The following SCYL2 variants were observed in gnomAD, a reference collection of about 807,000 sequenced individuals.
SCYL2 encodes SCY1 like pseudokinase 2.
Under a neutral mutation model 100.4 loss-of-function variants are expected in SCYL2, and 36 were observed. The ratio of observed to expected loss-of-function variants is 0.36; its 90% CI spans 0.27 to 0.47. SCYL2 has a LOEUF of 0.47. Ranked by LOEUF, SCYL2 falls within the 20% of genes least tolerant of loss-of-function variation. SCYL2 has a pLI of 1.00. For synonymous variants in SCYL2, 330 were observed against 359.2 expected, an observed-to-expected ratio of 0.92 and a Z score of 0.92; for missense variants, 902 against 1,083.9, an observed-to-expected ratio of 0.83 and a Z score of 2.36.
intron 2 of SCYL2, among the ~76,000 whole-genome samples, chr12:100,286,905 G>C (rs1334830457): frequency 6.6e-6 from 1 of 151,644 alleles, no homozygotes; most frequent in Non-Finnish European, 1.5e-5. Context: ...AATTTTAAGG[G>C]GTATATGTTT....
chr12:100,311,906 G>T (rs2096342652), intron 5 of SCYL2, among the ~76,000 whole-genome samples: 1 of 152,138 alleles, frequency 6.6e-6, no homozygotes, highest in Admixed American at 6.5e-5. Flanking sequence ...AGTCGTTAGA[G>T]GGCCTGTGAT....
chr12:100,272,338 T>C (rs933544705), intron 1 of SCYL2, among the ~76,000 whole-genome samples: 2 of 152,156 alleles, frequency 1.3e-5, no homozygotes, highest in African/African-American at 4.8e-5. Context: ...GACTCTTAGG[T>C]TTCTTATATG....
intron 5 of SCYL2, among the ~76,000 whole-genome samples, chr12:100,311,398 G>A (rs946893047): frequency 6.6e-6 from 1 of 151,804 alleles, no homozygotes; most frequent in African/African-American, 2.4e-5. Flanking sequence ...GGATGCCAGA[G>A]TTAAATAAAT....
At chr12:100,289,059 C>G (rs2096307629) in intron 2 of SCYL2, among the ~76,000 whole-genome samples, 1 of 151,978 alleles carries the variant, frequency 6.6e-6, no homozygotes, top group Admixed American at 6.6e-5. Context: ...AGAAGACTTA[C>G]TAAAATAAGA....
chr12:100,282,678 C>T (rs1442453684), intron 1 of SCYL2, among the ~76,000 whole-genome samples: 1 of 152,140 alleles, frequency 6.6e-6, no homozygotes, highest in Non-Finnish European at 1.5e-5. Context: ...TATTCATTCT[C>T]TTTCTTAATG....
chr12:100,288,749 A>T (rs183958894), intron 2 of SCYL2, among the ~76,000 whole-genome samples: 5 of 151,998 alleles, frequency 3.3e-5, no homozygotes, highest in Admixed American at 2.0e-4. Context: ...AGGTGAGAGG[A>T]TCACTTGAGA....
At chr12:100,294,432 G>GT (rs1220763052) in intron 3 of SCYL2, among the ~76,000 whole-genome samples, 1 of 94,210 alleles carries the variant, frequency 1.1e-5, no homozygotes, top group Non-Finnish European at 2.2e-5. Flanking sequence ...GGGCGGGGGG[G>GT]CTCCTCACTT....
intron 1 of SCYL2, among the ~76,000 whole-genome samples, chr12:100,271,224 C>G (rs2135786427): frequency 7.2e-6 from 1 of 138,892 alleles, no homozygotes; most frequent in South Asian, 2.2e-4. Flanking sequence ...AAGGCCAACT[C>G]TGGCCTTAAA....
intron 8 of SCYL2, among the ~76,000 whole-genome samples, chr12:100,314,945 A>G (rs2096346705): frequency 6.6e-6 from 1 of 152,168 alleles, no homozygotes; most frequent in Non-Finnish European, 1.5e-5. Context: ...AGCCTTTCCA[A>G]TTCCTTTACT....
chr12:100,322,977 A>C (rs928870346), intron 10 of SCYL2, among the ~76,000 whole-genome samples: 1 of 150,306 alleles, frequency 6.7e-6, no homozygotes, highest in African/African-American at 2.4e-5. Context: ...GCAGTGAGCT[A>C]TGATTGCGTC....
chr12:100,280,034 C>T (rs2096296418), intron 1 of SCYL2, among the ~76,000 whole-genome samples: 1 of 152,196 alleles, frequency 6.6e-6, no homozygotes, highest in South Asian at 2.1e-4. Context: ...TGGAATTCTG[C>T]TCTATGCTCT....
At chr12:100,310,984 C>T in intron 4 of SCYL2, 60 bp from the exon 5 acceptor site, 1 of 1,367,274 alleles carries the variant, frequency 7.3e-7, no homozygotes, top group Non-Finnish European at 9.6e-7. Flanking sequence ...TTTTGTGAGA[C>T]ATTTTATTAT....
At chr12:100,328,583 C>T (rs971754081) in intron 12 of SCYL2, among the ~76,000 whole-genome samples, 7 of 152,106 alleles carry the variant, frequency 4.6e-5, no homozygotes, top group Non-Finnish European at 8.8e-5. Flanking sequence ...ATATACAAAA[C>T]ACTTAGAACT....
At chr12:100,278,652 A>G (rs561835401) in intron 1 of SCYL2, among the ~76,000 whole-genome samples, 5 of 123,948 alleles carry the variant, frequency 4.0e-5, no homozygotes, top group African/African-American at 1.6e-4. Flanking sequence ...TTTTTTTGAG[A>G]TGGAGTCTTG....
chr12:100,330,528 G>A (rs1051673465), intron 13 of SCYL2, among the ~76,000 whole-genome samples: 1 of 152,122 alleles, frequency 6.6e-6, no homozygotes, highest in South Asian at 2.1e-4. Context: ...ATATAGAGAC[G>A]AGTCATTTTT....
intron 4 of SCYL2, among the ~76,000 whole-genome samples, chr12:100,307,390 G>A (rs2096335930): frequency 6.6e-6 from 1 of 152,114 alleles, no homozygotes; most frequent in Non-Finnish European, 1.5e-5. Context: ...ACAAGCAATG[G>A]GGAAAGGATT....
chr12:100,281,147 G>T (rs2096297968), intron 1 of SCYL2, among the ~76,000 whole-genome samples: 2 of 144,902 alleles, frequency 1.4e-5, no homozygotes, highest in Admixed American at 1.4e-4. Context: ...TTCCACCTCA[G>T]CCTCCCAAGT....
chr12:100,271,422 T>C (rs1375382771), intron 1 of SCYL2, among the ~76,000 whole-genome samples: 2 of 152,220 alleles, frequency 1.3e-5, no homozygotes, highest in Non-Finnish European at 2.9e-5. Flanking sequence ...AATGTAATTC[T>C]TGAATGTAAT....
In SCYL2 at chr12:100,338,678, A is replaced by G. The variant is rs1390366150; in HGVS notation, c.2296A>G (p.Lys766Glu). ...MMFSTPTDNT[K>E]RNLTNGLNAN... Reference sequence around the variant, plus strand: ...GTTTTCTACACCAACTGATAATACAAAGAGAAATTTGACAAATGGCCTAAA... The same window carrying G: ...GTTTTCTACACCAACTGATAATACAGAGAGAAATTTGACAAATGGCCTAAA... Residue 766 changes from lysine to glutamate, a missense_variant, in exon 18 of 18, where the codon AAG (lysine) becomes GAG (glutamate). Coordinates refer to ENST00000360820, the MANE Select transcript of SCYL2 (RefSeq NM_017988.6). 9.9e-6 allele frequency: 16 copies of G among 1,613,948 alleles called. No individual in the cohort carries two copies. Among genetic ancestry groups the G allele is most frequent in the Non-Finnish European group, 1.4e-5 (16 of 1,179,984 alleles).
Sources: gnomAD v4.1 joint callset for allele counts (sites outside exome capture counted in the v4.1 genomes callset) on GRCh38, gnomAD v4.1.1 for gene constraint, MANE v1.5 for transcripts, NCBI Gene and HGNC (gene_info 2026-07-23, HGNC 2026-07-21) for gene names.